Variants in RFX2 observed in about 807,000 individuals in gnomAD.
RFX2 encodes the protein DNA-binding protein RFX2.
RFX2 carries 20 observed loss-of-function variants against 87.8 expected under a neutral mutation model. That is an observed-to-expected ratio of 0.23 (90% CI 0.16 to 0.33). RFX2 has a LOEUF of 0.33. Among genes scored for constraint, RFX2 ranks in the 10% least tolerant of loss-of-function variants. The probability of loss-of-function intolerance (pLI) is 1.00; values close to 1 mark genes in which losing one functional copy is unlikely to be tolerated. For synonymous variants in RFX2, 397 were observed against 431.3 expected (o/e 0.92, Z 0.98); for missense variants, 767 against 1,012.3 (o/e 0.76, Z 3.29).
Position 5,994,862 on chromosome 19 carries a change from G to T in RFX2, c.2145C>A (p.Asp715Glu). ...AGATGCCCTGCAGGGAGTGGTTGGG[G>T]TCACTGCGCTCCCGCTTTACCAGGG... ...GEPLVKRERSDPNHSLQGI is the reference protein window; with the variant it reads ...GEPLVKRERSEPNHSLQGI Residue 715 changes from aspartate to glutamate, a missense_variant, in exon 18 of 18, where the codon GAC (aspartate) becomes GAA (glutamate). This residue lies in a region of RFX2 where 621 missense variants were observed against 873.0 expected (regional missense o/e 0.71). Coordinates refer to ENST00000303657, the MANE Select transcript of RFX2 (RefSeq NM_000635.4). 6.2e-7 allele frequency: 1 copy of T among 1,610,342 alleles called. No homozygotes were observed. Among genetic ancestry groups the T allele is most frequent in the Non-Finnish European group, 8.5e-7 (1 of 1,179,734 alleles).
Position 6,017,827 on chromosome 19 carries a change from C to T in RFX2, c.598-1556G>A, listed in dbSNP as rs1292764801. On this transcript the variant is annotated intron_variant, in intron 6 of 17. Transcript: ENST00000303657. The surrounding 1 kb of genome is among the most constrained non-coding windows in gnomAD (Gnocchi z 4.1). ...CACACCCCACAAGACACAAAGTAGG[C>T]GTGTCCCCTGGGAAATATCTGTCCA... Among the ~76,000 whole-genome samples the T allele has an allele frequency of 6.6e-6, 1 of 151,986 alleles. No individual in the cohort carries two copies. The highest frequency in any genetic ancestry group is 2.4e-5 in the African/African-American group (1 of 41,406).
chr19:6,032,879 C>G (rs1482046393), intron 5 of RFX2, among the ~76,000 whole-genome samples: 1 of 152,244 alleles, frequency 6.6e-6, no homozygotes, highest in Admixed American at 6.5e-5. Context: ...GCCTTGACCT[C>G]CTGGGCTCAG....
chr19:6,052,078 T>G (rs1346632121), intron 1 of RFX2, among the ~76,000 whole-genome samples: 2 of 151,996 alleles, frequency 1.3e-5, no homozygotes, highest in Non-Finnish European at 2.9e-5. Flanking sequence ...GGGTTTCACC[T>G]TGTTAGCCAG....
At chr19:6,097,872 T>C (rs1483807385) in intron 1 of RFX2, among the ~76,000 whole-genome samples, 1 of 152,148 alleles carries the variant, frequency 6.6e-6, no homozygotes, top group Non-Finnish European at 1.5e-5. Flanking sequence ...CATGAGCCAC[T>C]GTGCCAGGTT....
In RFX2 at chr19:6,002,058, G is replaced by A; in HGVS notation, c.1651-35C>T. The A allele has an allele frequency of 6.5e-7, 1 of 1,549,548 alleles. No homozygotes were observed. The highest frequency in any genetic ancestry group is 8.7e-7 in the Non-Finnish European group (1 of 1,143,998). ...GGGCAGAGGCCAGTGTCAGCAATGT[G>A]GACCCCCAGCCACGGCAGCCCTCCC... On this transcript the variant is annotated intron_variant, in intron 14 of 17. Coordinates refer to ENST00000303657, the MANE Select transcript of RFX2 (RefSeq NM_000635.4). The surrounding 1 kb of genome is among the most constrained non-coding windows in gnomAD (Gnocchi z 6.7).
At chr19:6,018,122 T>C (rs969178630) in intron 6 of RFX2, among the ~76,000 whole-genome samples, 4 of 152,078 alleles carry the variant, frequency 2.6e-5, no homozygotes, top group Admixed American at 6.6e-5. Flanking sequence ...ATTATAGGCA[T>C]GCACCACCAC....
intron 1 of RFX2, among the ~76,000 whole-genome samples, chr19:6,095,432 A>G (rs1275014837): frequency 1.3e-5 from 2 of 152,120 alleles, no homozygotes; most frequent in African/African-American, 4.8e-5. Flanking sequence ...TTTTGCATGG[A>G]TGGGGTGAGA....
intron 6 of RFX2, among the ~76,000 whole-genome samples, chr19:6,019,062 C>G (rs950057197): frequency 1.3e-5 from 2 of 152,106 alleles, no homozygotes; most frequent in Admixed American, 6.6e-5. Context: ...CCCCCACCCC[C>G]CCGCCATGAG....
At chr19:6,108,264 C>T (rs967485747) in intron 1 of RFX2, among the ~76,000 whole-genome samples, 2 of 152,196 alleles carry the variant, frequency 1.3e-5, no homozygotes, top group Non-Finnish European at 1.5e-5. Flanking sequence ...TAAACTCTTA[C>T]TTCTCTGGTC....
chr19:6,075,127 C>G (rs1042961687), intron 1 of RFX2, among the ~76,000 whole-genome samples: 2 of 152,190 alleles, frequency 1.3e-5, no homozygotes, highest in African/African-American at 4.8e-5. Flanking sequence ...TGCTGGCACC[C>G]TCTTCTCAGA....
Position 6,045,710 on chromosome 19 carries a change from C to T in RFX2, c.91-1428G>A, listed in dbSNP as rs1047238192. Among the ~76,000 whole-genome samples the T allele has an allele frequency of 2.0e-5, 3 of 151,498 alleles. No homozygotes were observed. The highest frequency in any genetic ancestry group is 4.9e-5 in the African/African-American group (2 of 40,882). Reference sequence around the variant, plus strand: ...TTTTGGGACGGATTTTTGCTCTTGTCGCCCAGGCTGAAGTGCGATGGCACG... The same window carrying T: ...TTTTGGGACGGATTTTTGCTCTTGTTGCCCAGGCTGAAGTGCGATGGCACG... On this transcript the variant is annotated intron_variant, in intron 2 of 17. Coordinates refer to ENST00000303657, the MANE Select transcript of RFX2 (RefSeq NM_000635.4). This position sits in a 1 kb window ranked among gnomAD's most constrained non-coding sequence, Gnocchi z 5.2.
Position 6,064,373 on chromosome 19 carries a change from G to C in RFX2, c.-8-16869C>G, listed in dbSNP as rs994451689. Among the ~76,000 whole-genome samples the C allele has an allele frequency of 2.0e-5, 3 of 152,200 alleles. No homozygotes were observed. Among genetic ancestry groups the C allele is most frequent in the African/African-American group, 7.2e-5 (3 of 41,442 alleles). On this transcript the variant is annotated intron_variant, in intron 1 of 17. Transcript: ENST00000303657. This position sits in a 1 kb window ranked among gnomAD's most constrained non-coding sequence, Gnocchi z 4.8. Reference sequence around the variant, plus strand: ...CTCTCCCTTTCTGACCATGAGCAGGGCTGCAGTGCAGCTGCTGATGGTCAA... The same window carrying C: ...CTCTCCCTTTCTGACCATGAGCAGGCCTGCAGTGCAGCTGCTGATGGTCAA...
intron 1 of RFX2, among the ~76,000 whole-genome samples, chr19:6,097,442 C>A (rs1349435915): frequency 6.6e-6 from 1 of 152,144 alleles, no homozygotes; most frequent in African/African-American, 2.4e-5. Flanking sequence ...AGGACTGAGA[C>A]ATGCATTAAG....
rs1599851497 is a variant in RFX2, at chr19:6,013,268, C to T, written c.780-163G>A. On this transcript the variant is annotated intron_variant, in intron 7 of 17. Transcript: ENST00000303657. The surrounding 1 kb of genome is among the most constrained non-coding windows in gnomAD (Gnocchi z 4.1). ...CAGTGCCATCTCGGCTCACTGCAAT[C>T]TCCGCCTCCCGGGTTTAAGAGATTC... Among the ~76,000 whole-genome samples the T allele has an allele frequency of 6.6e-6, 1 of 151,948 alleles. No individual in the cohort carries two copies. The highest frequency in any genetic ancestry group is 2.1e-4 in the South Asian group (1 of 4,826).
rs752061625 is a variant in RFX2, at chr19:6,026,188, T to G, written c.572A>C (p.His191Pro). 6.2e-7 allele frequency: 1 copy of G among 1,613,904 alleles called. No individual in the cohort carries two copies. ...NLQKSEGITS[H>P]KSGLLNSHLQ... ...ATGGCTGTTGAGTAAACCGCTTTTG[T>G]GTGATGTGATTCCTTCGCTTTTTTG... Residue 191 changes from histidine (H) to proline (P), a missense_variant, in exon 6 of 18, where the codon CAC (histidine) becomes CCC (proline). His to Pro is a moderately conservative substitution (Grantham distance 77). Transcript: ENST00000303657. This position sits in a 1 kb window ranked among gnomAD's most constrained non-coding sequence, Gnocchi z 4.5.
chr19:6,010,750 CCA>C lies in RFX2; in HGVS notation c.900-501_900-500del, dbSNP rs2086649641. Among the ~76,000 whole-genome samples, 1 of 152,152 alleles carries C rather than the reference CCA, an allele frequency of 6.6e-6. No individual in the cohort carries two copies. The highest frequency in any genetic ancestry group is 2.4e-5 in the African/African-American group (1 of 41,410). ...AATAATATTCCATCATATGGATGAA[CCA>C]CAGTTTGTTAATGGACACTTGAGAA... On this transcript the variant is annotated intron_variant, in intron 8 of 17. Transcript: ENST00000303657. This position sits in a 1 kb window ranked among gnomAD's most constrained non-coding sequence, Gnocchi z 5.0.
Position 6,010,172 on chromosome 19 carries a change from T to C in RFX2, c.979A>G (p.Met327Val), listed in dbSNP as rs1215775079. 1.3e-6 allele frequency: 2 copies of C among 1,549,000 alleles called. No individual in the cohort carries two copies. Among genetic ancestry groups the C allele is most frequent in the South Asian group, 2.4e-5 (2 of 83,972 alleles). Residue 327 changes from methionine (M) to valine (V), a missense_variant, in exon 9 of 18, where the codon ATG becomes GTG. Met to Val is a conservative substitution (Grantham distance 21). This residue lies in a region of RFX2 where 621 missense variants were observed against 873.0 expected (regional missense o/e 0.71). Coordinates refer to ENST00000303657, the MANE Select transcript of RFX2 (RefSeq NM_000635.4). The surrounding 1 kb of genome is among the most constrained non-coding windows in gnomAD (Gnocchi z 5.0). ...SGLHSTPEQT[M>V]AVQSQHHQQY... ...TGGTGGTGCTGGCTCTGCACGGCCA[T>C]GGTCTGTTCCGGAGTGCTGTGCAGG...
rs755792977 is a variant in RFX2, at chr19:6,047,503, G to C, written c.-7C>G. On this transcript the variant is annotated splice_region_variant and 5_prime_UTR_variant, in exon 2 of 18. Transcript: ENST00000303657. The surrounding 1 kb of genome is among the most constrained non-coding windows in gnomAD (Gnocchi z 4.2). Reference sequence around the variant, plus strand: ...CACCCTCGGAATTCTGCATGCTCAGGTCTAAAGAAAGGCGGAGAGAGATTG... The same window carrying C: ...CACCCTCGGAATTCTGCATGCTCAGCTCTAAAGAAAGGCGGAGAGAGATTG... The C allele has an allele frequency of 1.9e-6, 3 of 1,605,376 alleles. No individual in the cohort carries two copies. The highest frequency in any genetic ancestry group is 2.7e-5 in the African/African-American group (2 of 74,786).
intron 1 of RFX2, among the ~76,000 whole-genome samples, chr19:6,052,506 C>T (rs1020398469): frequency 6.6e-6 from 1 of 152,130 alleles, no homozygotes; most frequent in Admixed American, 6.5e-5. Flanking sequence ...AGAAATATTA[C>T]TAAGGATACA....
Sources: allele counts gnomAD v4.1 joint callset (sites outside exome capture counted in the v4.1 genomes callset), GRCh38; gene constraint gnomAD v4.1.1; regional missense constraint gnomAD v4.1.1; non-coding constraint Gnocchi (gnomAD v3.1); transcripts MANE v1.5; gene names NCBI Gene and HGNC (gene_info 2026-07-23, HGNC 2026-07-21).